The following CEP131 variants were observed in gnomAD, a reference collection of about 807,000 sequenced individuals.
CEP131 encodes the protein centrosomal protein of 131 kDa.
Under a neutral mutation model 136.8 loss-of-function variants are expected in CEP131, and 99 were observed. The ratio of observed to expected loss-of-function variants is 0.72; its 90% CI spans 0.62 to 0.86. CEP131 has a LOEUF of 0.86. Ranked by LOEUF, CEP131 falls within the 40% of genes least tolerant of loss-of-function variation. The probability of loss-of-function intolerance (pLI) is 0.00; values close to 1 mark genes in which losing one functional copy is unlikely to be tolerated. For synonymous variants in CEP131, 646 were observed against 612.7 expected, an observed-to-expected ratio of 1.05 and a Z score of -0.80; for missense variants, 1,459 against 1,463.0, an observed-to-expected ratio of 1.00 and a Z score of 0.04.
rs748864105 is a variant in CEP131 at position 81,190,978 on chromosome 17, C to T, written c.2872G>A (p.Ala958Thr). ...TGCAGACGCAGATTCTCGCCCTCGGCCTCCCCAAGCTGGCCCTTCAGCTCC... is the reference window on the plus strand; with the variant it reads ...TGCAGACGCAGATTCTCGCCCTCGGTCTCCCCAAGCTGGCCCTTCAGCTCC... Reference protein sequence around the residue: ...CSELKGQLGEAEGENLRLQGL... With the variant: ...CSELKGQLGETEGENLRLQGL... The change falls in exon 23 of 26, where the codon GCC becomes ACC. Residue 958 changes from alanine (A) to threonine (T), a missense_variant. Physicochemically the swap from Ala to Thr is moderately conservative, Grantham distance 58. This residue lies in a region of CEP131 where 1,026 missense variants were observed against 964.2 expected (regional missense o/e 1.06). Coordinates refer to ENST00000450824, the MANE Select transcript of CEP131 (RefSeq NM_014984.4). 6.2e-7 allele frequency: 1 copy of T among 1,607,124 alleles called. No homozygotes were observed. The highest frequency in any genetic ancestry group is 1.7e-5 in the Admixed American group (1 of 60,010).
chr17:81,195,786 G>T, intron 16 of CEP131, 49 bp downstream of exon 16: 1 of 1,525,498 alleles, frequency 6.6e-7, no homozygotes, highest in Non-Finnish European at 8.9e-7. Context: ...GCTGAGCCTG[G>T]CCTGTGAGCC....
intron 3 of CEP131, among the ~76,000 whole-genome samples, chr17:81,207,490 CTT>C (rs5822392): frequency 0.9 from 136,126 of 151,228 alleles, 61,782 homozygotes; most frequent in Non-Finnish European, 0.96. Context: ...GGACAAGGGC[CTT>C]ATTTGTTTTT....
At position 81,203,680 on chromosome 17, in the gene CEP131, G is replaced by A. The variant is rs571906598; in HGVS notation, c.516-73C>T. On this transcript the variant is annotated intron_variant, in intron 5 of 25. Transcript: ENST00000450824. The surrounding 1 kb of genome is among the most constrained non-coding windows in gnomAD (Gnocchi z 4.6). ...CGCCTGAGATCTCAGAGCTACACTC[G>A]CAGCACGGGCTGGGAGGGAACAAAG... 5.8e-6 allele frequency: 7 copies of A among 1,210,924 alleles called. 1 individual carries two copies. The highest frequency in any genetic ancestry group is 4.1e-5 in the Admixed American group (2 of 48,750). The allele number at this position is 1,210,924 out of a possible 1,614,324, so 75.0% of individuals were successfully genotyped here.
At chr17:81,212,132 T>C (rs1032370955) in intron 2 of CEP131, among the ~76,000 whole-genome samples, 1 of 151,282 alleles carries the variant, frequency 6.6e-6, no homozygotes, top group African/African-American at 2.4e-5. Flanking sequence ...CTGGCCACCA[T>C]GGTGAAACCT....
At position 81,194,912 on chromosome 17, in the gene CEP131, T is replaced by C. The variant is rs754518076; in HGVS notation, c.2077A>G (p.Ile693Val). The change falls in exon 17 of 26, where the codon ATC becomes GTC. Residue 693 changes from isoleucine (I) to valine (V), a missense_variant. By Grantham distance (29) the Ile-to-Val change is conservative. This residue lies in a region of CEP131 where 1,026 missense variants were observed against 964.2 expected (regional missense o/e 1.06). Transcript: ENST00000450824. ...TTGATCTTCTTGGTTTTCTCACTGA[T>C]CCACTTCTCCCGGCGGGCTTTCTCG... Reference protein sequence around the residue: ...ATEKARREKWISEKTKKIKEV... With the variant: ...ATEKARREKWVSEKTKKIKEV... 6.2e-7 allele frequency: 1 copy of C among 1,613,160 alleles called. No individual in the cohort carries two copies. The highest frequency in any genetic ancestry group is 8.5e-7 in the Non-Finnish European group (1 of 1,179,952).
chr17:81,195,112 C>CACACATGCCATCTCCAG, intron 16 of CEP131, 140 bp from the exon 17 acceptor site: 1 of 676,300 alleles, frequency 1.5e-6, no homozygotes, highest in Non-Finnish European at 2.6e-6. Flanking sequence ...TGCCCCGAGA[C>CACACATGCCATCTCCAG]AGAGCCACTG....
Position 81,198,037 on chromosome 17 carries a change from A to G in CEP131, c.1470+78T>C, listed in dbSNP as rs889604215. 3.4e-6 allele frequency: 5 copies of G among 1,479,952 alleles called. No individual in the cohort carries two copies. In the African/African-American group the frequency reaches 5.6e-5, roughly 17 times the overall value. The allele number at this position is 1,479,952 out of a possible 1,614,324, so 91.7% of individuals were successfully genotyped here. The stretch of plus-strand genomic sequence containing the variant: ...AGCCTGTGGCATCCCCATTTTCCCA[A>G]CCCCCACAGCCACCGCATGCTCTGT... On this transcript the variant is annotated intron_variant, in intron 12 of 25. Coordinates refer to ENST00000450824, the MANE Select transcript of CEP131 (RefSeq NM_014984.4).
intron 18 of CEP131, 66 bp from the exon 19 acceptor site, chr17:81,192,909 G>A: frequency 1.3e-6 from 2 of 1,546,842 alleles, no homozygotes; most frequent in Non-Finnish European, 1.7e-6. Flanking sequence ...ACCCACCGCA[G>A]GGGCACGGGC....
chr17:81,191,132 G>A, intron 22 of CEP131, 48 bp from the exon 23 acceptor site: 2 of 1,605,236 alleles, frequency 1.2e-6, no homozygotes, highest in Non-Finnish European at 1.7e-6. Flanking sequence ...TCACACACGG[G>A]TCCTTGCGCC....
intron 2 of CEP131, among the ~76,000 whole-genome samples, chr17:81,210,129 C>T (rs1021064940): frequency 3.9e-5 from 6 of 152,190 alleles, no homozygotes; most frequent in Non-Finnish European, 5.9e-5. Context: ...GGGGAAGTGG[C>T]GCTCGGGAAA....
intron 7 of CEP131, among the ~76,000 whole-genome samples, chr17:81,200,836 C>T (rs1270371567): frequency 6.6e-6 from 1 of 152,220 alleles, no homozygotes; most frequent in Admixed American, 6.5e-5. Flanking sequence ...GTGCAGACCA[C>T]AGGCCGTGGC....
At position 81,194,096 on chromosome 17, in the gene CEP131, T is replaced by C. The variant is rs1451207455; in HGVS notation, c.2151A>G (p.Ala717=). 3 of 1,559,606 alleles carry C rather than the reference T, an allele frequency of 1.9e-6. No individual in the cohort carries two copies. The highest frequency in any genetic ancestry group is 2.6e-6 in the Non-Finnish European group (3 of 1,154,664). Residue 717 remains alanine (A), a synonymous_variant, in exon 18 of 26, where the codon GCA becomes GCG. Coordinates refer to ENST00000450824, the MANE Select transcript of CEP131 (RefSeq NM_014984.4). ...GCCTCCGCACTTCCTGCTTGTGCCT[T>C]GCAATCAGCTTCTGGATCTCGGGCT... ...GLEPEIQKLI[A]RHKQEVRRLK... is the part of the protein sequence containing the mutation.
At chr17:81,205,340 T>A (rs966064072) in intron 5 of CEP131, among the ~76,000 whole-genome samples, 2 of 137,988 alleles carry the variant, frequency 1.4e-5, no homozygotes, top group African/African-American at 5.6e-5. Flanking sequence ...GCGCCAGGGG[T>A]AGGAGGGGCG....
At chr17:81,197,614 T>C in intron 13 of CEP131, 98 bp downstream of exon 13, 1 of 1,450,346 alleles carries the variant, frequency 6.9e-7, no homozygotes, top group Non-Finnish European at 9.0e-7. Flanking sequence ...GGGGGCCAGG[T>C]GCGGGCTGGT....
intron 2 of CEP131, among the ~76,000 whole-genome samples, chr17:81,217,870 G>A (rs550519875): frequency 1.3e-5 from 2 of 152,312 alleles, no homozygotes; most frequent in South Asian, 4.1e-4. Context: ...AAGGCTGGGA[G>A]TGTGGTTAGG....
intron 2 of CEP131, among the ~76,000 whole-genome samples, chr17:81,210,978 G>A (rs760756717): frequency 1.3e-5 from 2 of 152,172 alleles, no homozygotes; most frequent in Non-Finnish European, 2.9e-5. Context: ...CAGCTCGGCG[G>A]CAGCAGAGCC....
intron 2 of CEP131, among the ~76,000 whole-genome samples, chr17:81,218,752 G>T (rs1180682677): frequency 6.6e-6 from 1 of 152,242 alleles, no homozygotes; most frequent in Non-Finnish European, 1.5e-5. Flanking sequence ...CTGCCCACCT[G>T]GGGGTGCTTC....
intron 13 of CEP131, chr17:81,197,285 A>G (rs1415894984): frequency 4.0e-5 from 24 of 603,260 alleles, no homozygotes; most frequent in Non-Finnish European, 6.0e-5. Context: ...ACCATTTAAA[A>G]AGTTCTATGC....
chr17:81,191,448 G>T, intron 21 of CEP131, 113 bp from the exon 22 acceptor site: 1 of 994,260 alleles, frequency 1.0e-6, no homozygotes. Context: ...GGGAGCAAGG[G>T]GCCTTCCCCC....
Sources: allele counts gnomAD v4.1 joint callset (sites outside exome capture counted in the v4.1 genomes callset), GRCh38; gene constraint gnomAD v4.1.1; regional missense constraint gnomAD v4.1.1; non-coding constraint Gnocchi (gnomAD v3.1); transcripts MANE v1.5; gene names NCBI Gene and HGNC (gene_info 2026-07-23, HGNC 2026-07-21).